The following SLC29A1 variants were observed in gnomAD, a reference collection of about 807,000 sequenced individuals.
The protein encoded by SLC29A1 is equilibrative nucleoside transporter 1.
In SLC29A1, 22 loss-of-function variants were observed where a neutral mutation model predicts 48.3. That is an observed-to-expected ratio of 0.46 (90% confidence interval 0.33 to 0.65). The LOEUF is 0.65. Among genes scored for constraint, SLC29A1 ranks in the 30% least tolerant of loss-of-function variants. The pLI is 0.03. For missense variants in SLC29A1, 491 were observed against 575.3 expected (o/e 0.85, Z 1.50); for synonymous variants, 228 against 231.0 (o/e 0.99, Z 0.12).
rs1225060255 is a variant in SLC29A1 at position 44,227,346 on chromosome 6, A to G, written c.29+4A>G. On this transcript the variant is annotated splice_donor_region_variant and intron_variant, in intron 2 of 12. Coordinates refer to ENST00000371755, the MANE Select transcript of SLC29A1 (RefSeq NM_001372327.1). ...CCAGTCACCAGCCTCAGGACAGGTA[A>G]GGGGTAAGGGGCTGGGCTGTGGATC... 3 of 1,612,406 alleles carry G rather than the reference A, an allele frequency of 1.9e-6. No individual in the cohort carries two copies. The African/African-American group carries it at 4.0e-5, about 22-fold the overall frequency.
upstream of SLC29A1, chr6:44,221,720 C>A: frequency 8.9e-7 from 1 of 1,125,714 alleles, no homozygotes; most frequent in Non-Finnish European, 1.2e-6. This position sits in a 1 kb window ranked among gnomAD's most constrained non-coding sequence, Gnocchi z 4.2. Context: ...CAGCAGGGGG[C>A]CCTGGCACCC....
intron 9 of SLC29A1, 124 bp downstream of exon 9, chr6:44,231,585 G>A (rs1778891254): frequency 1.4e-6 from 1 of 696,692 alleles, no homozygotes; most frequent in Admixed American, 2.2e-5. Flanking sequence ...GGATTCTTTT[G>A]TGTGTGCGTG....
At chr6:44,233,123 G>A (rs1779262163) in intron 12 of SLC29A1, 117 bp downstream of exon 12, 1 of 1,125,254 alleles carries the variant, frequency 8.9e-7, no homozygotes, top group Admixed American at 1.9e-5. Flanking sequence ...TGAGAGGAGA[G>A]ATGGCTCAGG....
In SLC29A1 at chr6:44,232,348, T is replaced by TA. The variant is rs1268256885; in HGVS notation, c.980dup (p.Tyr327Ter). ...SIAGSSTWER[Y>*]FIPVSCFLTF... ...CCGTTCATCTCCTCTTCCAGAACGTTACTTCATTCCTGTGTCCTGTTTCTT... is the reference window on the plus strand; with the variant it reads ...CCGTTCATCTCCTCTTCCAGAACGTTAACTTCATTCCTGTGTCCTGTTTCTT... Residue 327 changes from tyrosine to a stop codon, truncating the protein, a stop_gained and frameshift_variant, in exon 11 of 13, where the codon TAC (tyrosine) becomes TAAC (stop). Coordinates refer to ENST00000371755, the MANE Select transcript of SLC29A1 (RefSeq NM_001372327.1). LOFTEE classifies it high-confidence loss of function. This position sits in a 1 kb window ranked among gnomAD's most constrained non-coding sequence, Gnocchi z 4.7. 2 of 1,611,926 alleles carry TA rather than the reference T, an allele frequency of 1.2e-6. No homozygotes were observed. Among genetic ancestry groups the TA allele is most frequent in the South Asian group, 2.2e-5 (2 of 91,036 alleles).
chr6:44,226,602 G>A (rs1473641574), intron 1 of SLC29A1: 5 of 294,880 alleles, frequency 1.7e-5, no homozygotes, highest in Non-Finnish European at 2.5e-5. Flanking sequence ...GGAAAGAAAG[G>A]TTAAGGTGCC....
intron 9 of SLC29A1, 127 bp downstream of exon 9, chr6:44,231,588 TGTGCGTGCGTGCCCATGC>T (rs1389517893): frequency 4.4e-6 from 3 of 680,216 alleles, no homozygotes; most frequent in African/African-American, 3.6e-5. Flanking sequence ...TTCTTTTGTG[TGTGCGTGCGTGCCCATGC>T]GTGCGTGCCG....
chr6:44,230,034 G>T lies in SLC29A1; in HGVS notation c.442G>T (p.Val148Leu), dbSNP rs61758844. ...PFFVITMIKI[V>L]LINSFGAILQ... ...CTTTGTCATCACCATGATCAAGATCGTGCTCATTAATTGTAAGCTGGGCCA... is the reference window on the plus strand; with the variant it reads ...CTTTGTCATCACCATGATCAAGATCTTGCTCATTAATTGTAAGCTGGGCCA... The change falls in exon 5 of 13, where the codon GTG becomes TTG. Residue 148 changes from valine (V) to leucine (L), a missense_variant. Physicochemically the swap from Val to Leu is conservative, Grantham distance 32. Coordinates refer to ENST00000371755, the MANE Select transcript of SLC29A1 (RefSeq NM_001372327.1). 13 of 1,607,614 alleles carry T rather than the reference G, an allele frequency of 8.1e-6. No individual in the cohort carries two copies. The highest frequency in any genetic ancestry group is 9.3e-6 in the Non-Finnish European group (11 of 1,180,000).
intron 9 of SLC29A1, among the ~76,000 whole-genome samples, chr6:44,231,730 G>A (rs546509252): frequency 1.8e-3 from 280 of 152,292 alleles, no homozygotes; most frequent in Non-Finnish European, 3.1e-3. Flanking sequence ...CTGGGTTCAA[G>A]TGATTCTCCT....
chr6:44,222,154 T>G (rs927216765), upstream of SLC29A1, among the ~76,000 whole-genome samples: 7 of 151,086 alleles, frequency 4.6e-5, no homozygotes, highest in Non-Finnish European at 8.9e-5. Context: ...AATTAGGGGG[T>G]TGTGGACAGA....
intron 1 of SLC29A1, chr6:44,227,001 G>T: frequency 1.6e-6 from 2 of 1,229,208 alleles, no homozygotes; most frequent in Non-Finnish European, 1.0e-6. Flanking sequence ...TCGGCTGCTG[G>T]ATAAAAATAG....
Position 44,229,513 on chromosome 6 carries a change from G to A in SLC29A1, c.111+42G>A. 4 of 1,609,710 alleles carry A rather than the reference G, an allele frequency of 2.5e-6. No individual in the cohort carries two copies. The highest frequency in any genetic ancestry group is 3.4e-6 in the Non-Finnish European group (4 of 1,176,014). Reference sequence around the variant, plus strand: ...TGGGCTCCATGGGGCAGTGCCCACTGTGCTTGCAGGATCTGACTCTGTGCT... The same window carrying A: ...TGGGCTCCATGGGGCAGTGCCCACTATGCTTGCAGGATCTGACTCTGTGCT... On this transcript the variant is annotated intron_variant, in intron 3 of 12. Coordinates refer to ENST00000371755, the MANE Select transcript of SLC29A1 (RefSeq NM_001372327.1). The surrounding 1 kb of genome is among the most constrained non-coding windows in gnomAD (Gnocchi z 5.1).
In SLC29A1 at chr6:44,232,236, A is replaced by C. The variant is rs1779058066; in HGVS notation, c.974-107A>C. The C allele has an allele frequency of 8.7e-7, 1 of 1,146,424 alleles. No homozygotes were observed. Among genetic ancestry groups the C allele is most frequent in the African/African-American group, 1.5e-5 (1 of 65,746 alleles). The allele number at this position is 1,146,424 out of a possible 1,614,324, so 71.0% of individuals were successfully genotyped here. A position where few individuals can be genotyped will look rare whatever the true frequency, so the allele number is the denominator to read the frequency against. ...TCCATTTGCCCTTCCCTGGGCTGGAAGCATCTTCTCCATTTTACTGTTGGG... is the reference window on the plus strand; with the variant it reads ...TCCATTTGCCCTTCCCTGGGCTGGACGCATCTTCTCCATTTTACTGTTGGG... On this transcript the variant is annotated intron_variant, in intron 10 of 12. Coordinates refer to ENST00000371755, the MANE Select transcript of SLC29A1 (RefSeq NM_001372327.1). The surrounding 1 kb of genome is among the most constrained non-coding windows in gnomAD (Gnocchi z 4.7).
chr6:44,219,816 CGGGGT>C (rs1561870669), upstream of SLC29A1: 4 of 144,858 alleles, frequency 2.8e-5, no homozygotes, highest in South Asian at 9.1e-5. Flanking sequence ...CCTGGCGGGG[CGGGGT>C]GGGGTGGGGG....
intron 9 of SLC29A1, among the ~76,000 whole-genome samples, 175 bp downstream of exon 9, chr6:44,231,636 C>T (rs1287768232): frequency 1.3e-5 from 2 of 151,932 alleles, no homozygotes; most frequent in South Asian, 4.1e-4. Flanking sequence ...ATTCGTGGTT[C>T]CTTTTTTTTG....
rs1484077734 is a variant in SLC29A1, at chr6:44,233,458, T to C, written c.1301T>C (p.Met434Thr). The C allele has an allele frequency of 6.2e-7, 1 of 1,614,202 alleles. No homozygotes were observed. ...PAEAETAGAI[M>T]AFFLCLGLAL... is the part of the protein sequence containing the mutation. The stretch of plus-strand genomic sequence containing the variant: ...GAGGCAGAGACCGCAGGAGCCATCA[T>C]GGCCTTCTTCCTGTGTCTGGGTCTG... The change falls in exon 13 of 13, where the codon ATG becomes ACG. Residue 434 changes from methionine (M) to threonine (T), a missense_variant. By Grantham distance (81) the Met-to-Thr change is moderately conservative. Coordinates refer to ENST00000371755, the MANE Select transcript of SLC29A1 (RefSeq NM_001372327.1).
upstream of SLC29A1, among the ~76,000 whole-genome samples, chr6:44,220,633 T>G (rs1582917714): frequency 6.9e-6 from 1 of 144,858 alleles, no homozygotes; most frequent in African/African-American, 2.6e-5. Flanking sequence ...ACCAACGTGG[T>G]GAAACCCCGT....
At chr6:44,222,427 C>T (rs1298615327), upstream of SLC29A1, among the ~76,000 whole-genome samples, 1 of 152,118 alleles carries the variant, frequency 6.6e-6, no homozygotes, top group Non-Finnish European at 1.5e-5. Flanking sequence ...TCTCTGGGGA[C>T]AGGGTAGGAC....
At chr6:44,227,395 T>C (rs780235914) in intron 2 of SLC29A1, 53 bp downstream of exon 2, 58 of 1,491,902 alleles carry the variant, frequency 3.9e-5, no homozygotes, top group Middle Eastern at 1.7e-4. Context: ...TTCAGGGAGC[T>C]GGGTGTGGTG....
rs528922331 is a variant in SLC29A1, at chr6:44,231,468, A to C, written c.864+7A>C. 30 of 1,569,130 alleles carry C rather than the reference A, an allele frequency of 1.9e-5. No individual in the cohort carries two copies. In the South Asian group the frequency reaches 2.7e-4, roughly 14 times the overall value. ...CAAAGCCATCCTGAAAAATGTACGTAGGGGAGGTTATCCTATCTTCTACCC... is the reference window on the plus strand; with the variant it reads ...CAAAGCCATCCTGAAAAATGTACGTCGGGGAGGTTATCCTATCTTCTACCC... On this transcript the variant is annotated splice_region_variant and intron_variant, in intron 9 of 12. Coordinates refer to ENST00000371755, the MANE Select transcript of SLC29A1 (RefSeq NM_001372327.1).
Sources: allele counts gnomAD v4.1 joint callset (sites outside exome capture counted in the v4.1 genomes callset), GRCh38; gene constraint gnomAD v4.1.1; non-coding constraint Gnocchi (gnomAD v3.1); transcripts MANE v1.5; gene names NCBI Gene and HGNC (gene_info 2026-07-23, HGNC 2026-07-21).